Variants in CNIH3 observed in about 807,000 individuals in gnomAD.
CNIH3 encodes the protein protein cornichon homolog 3.
CNIH3 carries 14 observed loss-of-function variants against 24.1 expected under a neutral mutation model. The observed-to-expected ratio is 0.58, with a 90% CI of 0.38 to 0.91. CNIH3 has a LOEUF of 0.91. CNIH3 is among the 40% of genes least tolerant of loss of function. The pLI is 0.00. For synonymous variants in CNIH3, 68 were observed against 73.8 expected (o/e 0.92, Z 0.40); for missense variants, 178 against 196.8 (o/e 0.90, Z 0.57).
chr1:224,643,170 C>T (rs1159460219), intron 1 of CNIH3, among the ~76,000 whole-genome samples: 1 of 152,176 alleles, frequency 6.6e-6, no homozygotes, highest in African/African-American at 2.4e-5. Flanking sequence ...GCTTATTTCA[C>T]AACTATCAAA....
At chr1:224,547,162 A>C (rs1470787220) in intron 3 of CNIH3, among the ~76,000 whole-genome samples, 1 of 152,228 alleles carries the variant, frequency 6.6e-6, no homozygotes, top group Non-Finnish European at 1.5e-5. Context: ...TTGGCAGATG[A>C]CTGGGGAAGA....
At position 224,620,198 on chromosome 1, in the gene CNIH3, G is replaced by A. The variant is rs530508295; in HGVS notation, c.81+2943G>A. 2.0e-5 allele frequency among the ~76,000 whole-genome samples: 3 copies of A among 152,362 alleles called. No homozygotes were observed. In the South Asian group the frequency reaches 6.2e-4, roughly 32 times the overall value. ...AGCAGAAGAAAACTAGGTTTTTTCT[G>A]TGGCTTTGCATACCCTCAGGCACCT... On this transcript the variant is annotated intron_variant, in intron 1 of 5. Transcript: ENST00000272133.
chr1:224,570,146 G>T (rs1680758204), intron 4 of CNIH3, among the ~76,000 whole-genome samples: 1 of 152,160 alleles, frequency 6.6e-6, no homozygotes. Context: ...ATAAAGTCTT[G>T]CCAATATTAA....
At chr1:224,505,044 T>TC (rs1677851130) in intron 1 of CNIH3, among the ~76,000 whole-genome samples, 1 of 114,526 alleles carries the variant, frequency 8.7e-6, no homozygotes, top group African/African-American at 3.7e-5. Flanking sequence ...CTTCCTTCCT[T>TC]CCTTCCTTCC....
rs1187915723 is a variant in CNIH3 at position 224,604,480 on chromosome 1, G to A, written n.402+38216G>A. 6.6e-6 allele frequency among the ~76,000 whole-genome samples: 1 copy of A among 152,212 alleles called. No homozygotes were observed. Among genetic ancestry groups the A allele is most frequent in the Admixed American group, 6.5e-5 (1 of 15,284 alleles). ...GAAGCAGCTTCCTGTGGACTGGACA[G>A]AGGCTGAGATGGAGCCTCTGAAGAA... On this transcript the variant is annotated intron_variant and non_coding_transcript_variant, in intron 3 of 7. Coordinates refer to the CNIH3 transcript ENST00000478120. This position sits in a 1 kb window ranked among gnomAD's most constrained non-coding sequence, Gnocchi z 4.4.
intron 3 of CNIH3, among the ~76,000 whole-genome samples, chr1:224,729,412 C>CAAAAAAAAAAAAAAAAA (rs1184318000): frequency 2.2e-5 from 1 of 44,594 alleles, no homozygotes; most frequent in Non-Finnish European, 4.4e-5. Flanking sequence ...ACTATGTCTC[C>CAAAAAAAAAAAAAAAAA]AAAAAAAAAA....
At chr1:224,687,373 C>T (rs902839035) in intron 3 of CNIH3, among the ~76,000 whole-genome samples, 1 of 152,188 alleles carries the variant, frequency 6.6e-6, no homozygotes, top group Non-Finnish European at 1.5e-5. Flanking sequence ...GCTGGAGCTG[C>T]AGGCATGCAC....
intron 2 of CNIH3, among the ~76,000 whole-genome samples, chr1:224,534,082 T>C (rs1038562314): frequency 1.3e-5 from 2 of 152,206 alleles, no homozygotes; most frequent in African/African-American, 4.8e-5. Flanking sequence ...GGATGATTGC[T>C]TGAGCCTCGG....
chr1:224,456,583 G>A (rs1675670531), intron 1 of CNIH3, among the ~76,000 whole-genome samples: 1 of 152,104 alleles, frequency 6.6e-6, no homozygotes, highest in South Asian at 2.1e-4. Flanking sequence ...GCTAATTTTT[G>A]TATTTTTTGT....
At chr1:224,725,090 G>A (rs1688946836) in intron 3 of CNIH3, among the ~76,000 whole-genome samples, 1 of 152,074 alleles carries the variant, frequency 6.6e-6, no homozygotes, top group African/African-American at 2.4e-5. Context: ...CATGCCTGCA[G>A]TACCAGCTAC....
At chr1:224,533,128 G>A (rs1679139010) in intron 2 of CNIH3, among the ~76,000 whole-genome samples, 1 of 152,114 alleles carries the variant, frequency 6.6e-6, no homozygotes, top group South Asian at 2.1e-4. Context: ...TTGATTTGTG[G>A]AGGTGGAGAG....
intron 1 of CNIH3, among the ~76,000 whole-genome samples, chr1:224,621,761 T>C (rs1024265463): frequency 1.3e-5 from 2 of 152,238 alleles, no homozygotes; most frequent in African/African-American, 4.8e-5. Flanking sequence ...CAAATTCTTG[T>C]TTCCTTCTGG....
chr1:224,730,338 G>A, intron 3 of CNIH3, 124 bp from the exon 4 acceptor site: 2 of 639,992 alleles, frequency 3.1e-6, no homozygotes, highest in South Asian at 1.9e-5. Context: ...CTACGTTGCT[G>A]CAGGGAGGGC....
At chr1:224,672,341 T>G (rs1558277176) in intron 1 of CNIH3, among the ~76,000 whole-genome samples, 2 of 152,222 alleles carry the variant, frequency 1.3e-5, no homozygotes, top group African/African-American at 4.8e-5. Flanking sequence ...CTTCCAGATC[T>G]TAGATGACAG....
chr1:224,634,259 T>C (rs1300869914), intron 1 of CNIH3, among the ~76,000 whole-genome samples: 1 of 152,208 alleles, frequency 6.6e-6, no homozygotes, highest in Non-Finnish European at 1.5e-5. Context: ...TGTGCTCACT[T>C]GGAAGGAACA....
At chr1:224,656,021 G>A (rs111818034) in intron 1 of CNIH3, among the ~76,000 whole-genome samples, 2 of 152,170 alleles carry the variant, frequency 1.3e-5, no homozygotes, top group African/African-American at 4.8e-5. Flanking sequence ...TAAGACCCGG[G>A]AGTGTCAATT....
intron 1 of CNIH3, among the ~76,000 whole-genome samples, chr1:224,503,323 T>C (rs770690474): frequency 1.8e-4 from 27 of 152,184 alleles, no homozygotes; most frequent in Non-Finnish European, 3.8e-4. Context: ...CTTGTCGGTC[T>C]TTTGGCCCTA....
intron 4 of CNIH3, among the ~76,000 whole-genome samples, chr1:224,570,350 G>C (rs1210787686): frequency 6.6e-6 from 1 of 151,932 alleles, no homozygotes; most frequent in Non-Finnish European, 1.5e-5. Context: ...TCCAGTGTCT[G>C]TTGTTGCCAC....
At chr1:224,489,368 C>G (rs969956242) in intron 1 of CNIH3, among the ~76,000 whole-genome samples, 8 of 152,162 alleles carry the variant, frequency 5.3e-5, no homozygotes, top group Admixed American at 4.6e-4. Flanking sequence ...ACTTTGCTTT[C>G]CAGCATCTAT....
Sources: allele counts gnomAD v4.1 joint callset (sites outside exome capture counted in the v4.1 genomes callset), GRCh38; gene constraint gnomAD v4.1.1; non-coding constraint Gnocchi (gnomAD v3.1); transcripts MANE v1.5; gene names NCBI Gene and HGNC (gene_info 2026-07-23, HGNC 2026-07-21).